SDK1: variants seen among roughly 807,000 people sequenced by gnomAD.
The protein encoded by SDK1 is protein sidekick-1.
A neutral mutation model predicts 245.5 loss-of-function variants in SDK1; 157 were observed. The observed-to-expected ratio is 0.64, with a 90% CI of 0.56 to 0.73. The LOEUF (loss-of-function observed/expected upper bound fraction) is 0.73. Ranked by LOEUF, SDK1 falls within the 30% of genes least tolerant of loss-of-function variation. The pLI, the probability that SDK1 is intolerant of heterozygous loss-of-function variation, is 0.00. For missense variants in SDK1, 3,583 were observed against 3,002.3 expected (o/e 1.19, Z -4.52); for synonymous variants, 1,647 against 1,278.5 (o/e 1.29, Z -6.15).
rs140348292 is a variant in SDK1 at position 3,846,805 on chromosome 7, C to G, written c.847+25222C>G. On this transcript the variant is annotated intron_variant, in intron 5 of 44. Transcript: ENST00000404826. ...CTGGTTCCTATCAGGAGATCCCCTT[C>G]TCCTCCCGCTACGAGGGGCAGCAGC... is the stretch of plus-strand genomic sequence containing the variant. Among the ~76,000 whole-genome samples the G allele has an allele frequency of 6.7e-3, 1,017 of 152,218 alleles. 12 individuals are homozygous for G. The highest frequency in any genetic ancestry group is 0.023 in the African/African-American group (962 of 41,538).
At chr7:3,416,323 A>T (rs73300383) in intron 1 of SDK1, among the ~76,000 whole-genome samples, 1 of 152,102 alleles carries the variant, frequency 6.6e-6, no homozygotes, top group African/African-American at 2.4e-5. Context: ...CAGATAGTGG[A>T]GAACTGTGCT....
At chr7:4,191,416 G>T (rs935519824) in intron 35 of SDK1, among the ~76,000 whole-genome samples, 1 of 152,240 alleles carries the variant, frequency 6.6e-6, no homozygotes, top group African/African-American at 2.4e-5. Context: ...AGCATCGCGC[G>T]GTGCCCGCTG....
At chr7:3,688,199 C>A (rs955730454) in intron 4 of SDK1, among the ~76,000 whole-genome samples, 6 of 152,262 alleles carry the variant, frequency 3.9e-5, no homozygotes, top group South Asian at 2.1e-4. Flanking sequence ...ACAACTGAGG[C>A]TTTTAAAGTG....
At chr7:3,775,984 C>T (rs896513088) in intron 4 of SDK1, among the ~76,000 whole-genome samples, 4 of 152,200 alleles carry the variant, frequency 2.6e-5, no homozygotes, top group African/African-American at 9.6e-5. Flanking sequence ...AATCTTCCAC[C>T]AGTCCCTAAC....
intron 5 of SDK1, among the ~76,000 whole-genome samples, chr7:3,823,056 G>A (rs1779685070): frequency 6.6e-6 from 1 of 152,172 alleles, no homozygotes; most frequent in Non-Finnish European, 1.5e-5. Context: ...TTTAGGATGA[G>A]TGGGGTCTTT....
intron 1 of SDK1, among the ~76,000 whole-genome samples, chr7:3,467,857 T>C (rs1237521537): frequency 6.6e-6 from 1 of 152,192 alleles, no homozygotes; most frequent in Non-Finnish European, 1.5e-5. Flanking sequence ...GCTTGTTTGC[T>C]GATAAATGCT....
chr7:4,069,968 C>G (rs541663966), intron 20 of SDK1, among the ~76,000 whole-genome samples: 2 of 152,312 alleles, frequency 1.3e-5, no homozygotes, highest in African/African-American at 4.8e-5. Flanking sequence ...GAACCATGCT[C>G]TGAACCCCAC....
intron 1 of SDK1, among the ~76,000 whole-genome samples, chr7:3,305,360 G>A (rs1253012005): frequency 1.3e-5 from 2 of 151,998 alleles, no homozygotes; most frequent in East Asian, 1.9e-4. Context: ...CCTCGTGTTG[G>A]TTAATCCCAT....
chr7:3,754,578 T>C (rs1426076048), intron 4 of SDK1, among the ~76,000 whole-genome samples: 1 of 152,144 alleles, frequency 6.6e-6, no homozygotes, highest in Non-Finnish European at 1.5e-5. Context: ...GTTCCCTGCA[T>C]TCTCCAGTGT....
chr7:4,084,983 C>T (rs1037719810), intron 22 of SDK1, among the ~76,000 whole-genome samples: 8 of 152,154 alleles, frequency 5.3e-5, no homozygotes, highest in East Asian at 3.9e-4. Context: ...AGGCTGGTGT[C>T]GAACACCTTA....
intron 1 of SDK1, among the ~76,000 whole-genome samples, chr7:3,549,873 C>T (rs959327369): frequency 2.0e-5 from 3 of 151,950 alleles, no homozygotes; most frequent in South Asian, 2.1e-4. Context: ...CGACTCTTTC[C>T]TTGAGCTAAA....
At chr7:3,633,754 C>T (rs1266153249) in intron 2 of SDK1, among the ~76,000 whole-genome samples, 1 of 152,044 alleles carries the variant, frequency 6.6e-6, no homozygotes, top group African/African-American at 2.4e-5. Context: ...GTTCTAAAAC[C>T]ACAGAAACCA....
At chr7:3,556,147 C>T (rs1478879525) in intron 1 of SDK1, among the ~76,000 whole-genome samples, 1 of 152,176 alleles carries the variant, frequency 6.6e-6, no homozygotes, top group East Asian at 1.9e-4. Context: ...TCACAATAGC[C>T]AACATTTGTA....
At chr7:3,378,993 C>G (rs1163581191) in intron 1 of SDK1, among the ~76,000 whole-genome samples, 1 of 152,134 alleles carries the variant, frequency 6.6e-6, no homozygotes, top group Admixed American at 6.5e-5. Context: ...GCTCTTCCAG[C>G]TTCTCGTTAA....
intron 35 of SDK1, 67 bp downstream of exon 35, chr7:4,178,653 C>A: frequency 1.7e-6 from 2 of 1,165,802 alleles, no homozygotes; most frequent in Non-Finnish European, 1.3e-6. Context: ...GCCAGGCACG[C>A]TGCGGCCAAG....
At chr7:3,673,466 C>A (rs557115795) in intron 4 of SDK1, among the ~76,000 whole-genome samples, 2 of 152,214 alleles carry the variant, frequency 1.3e-5, no homozygotes, top group Non-Finnish European at 1.5e-5. Flanking sequence ...TATGTGAGAA[C>A]CTTAAAACTC....
At position 3,398,987 on chromosome 7, in the gene SDK1, G is replaced by T. The variant is rs149450713; in HGVS notation, c.298+97103G>T. The stretch of plus-strand genomic sequence containing the variant: ...GTTCAAGTTTTCCACTATTTTTCAT[G>T]TTGGGAGAGTGGGACTTCCGAGCTC... On this transcript the variant is annotated intron_variant, in intron 1 of 44. Coordinates refer to ENST00000404826, the MANE Select transcript of SDK1 (RefSeq NM_152744.4). Among the ~76,000 whole-genome samples, 7 of 152,182 alleles carry T rather than the reference G, an allele frequency of 4.6e-5. No individual in the cohort carries two copies. The East Asian group carries it at 1.2e-3, about 25-fold the overall frequency.
At chr7:3,961,390 T>C (rs1470090528) in intron 8 of SDK1, among the ~76,000 whole-genome samples, 3 of 152,260 alleles carry the variant, frequency 2.0e-5, no homozygotes, top group Admixed American at 2.0e-4. Context: ...TGGCATTAAC[T>C]TTATTTATTA....
intron 4 of SDK1, among the ~76,000 whole-genome samples, chr7:3,722,403 A>G (rs1407622005): frequency 6.6e-6 from 1 of 152,192 alleles, no homozygotes; most frequent in Non-Finnish European, 1.5e-5. Flanking sequence ...CTGGGGAGTC[A>G]GCCCAGGGTA....
Sources: allele counts gnomAD v4.1 joint callset (sites outside exome capture counted in the v4.1 genomes callset), GRCh38; gene constraint gnomAD v4.1.1; transcripts MANE v1.5; gene names NCBI Gene and HGNC (gene_info 2026-07-23, HGNC 2026-07-21).